The following KLHL18 variants were observed in gnomAD, a reference collection of about 807,000 sequenced individuals.
KLHL18 encodes kelch-like protein 18.
Under a neutral mutation model 58.5 loss-of-function variants are expected in KLHL18, and 38 were observed. That is an observed-to-expected ratio of 0.65 (90% CI 0.50 to 0.85). The LOEUF (loss-of-function observed/expected upper bound fraction) is 0.85. Among genes scored for constraint, KLHL18 ranks in the 40% least tolerant of loss-of-function variants. KLHL18 has a pLI of 0.00. For missense variants in KLHL18, 624 were observed against 778.4 expected, an observed-to-expected ratio of 0.80 and a Z score of 2.36; for synonymous variants, 303 against 301.9, an observed-to-expected ratio of 1.00 and a Z score of -0.04.
At chr3:47,318,038 A>G (rs1703496178) in intron 1 of KLHL18, among the ~76,000 whole-genome samples, 1 of 151,996 alleles carries the variant, frequency 6.6e-6, no homozygotes, top group African/African-American at 2.4e-5. Context: ...TTTTGTATTT[A>G]TTGTAGAGAC....
chr3:47,297,697 A>G lies in KLHL18; in HGVS notation c.129+14603A>G, dbSNP rs1293537360. On this transcript the variant is annotated intron_variant, in intron 1 of 9. Coordinates refer to ENST00000232766, the MANE Select transcript of KLHL18 (RefSeq NM_025010.5). ...GGTAAAATTCATCAGAAATTTTGTTACTTGTTTGTATCTCAGATGAAGCCT... is the reference window on the plus strand; with the variant it reads ...GGTAAAATTCATCAGAAATTTTGTTGCTTGTTTGTATCTCAGATGAAGCCT... 6.7e-6 allele frequency: 3 copies of G among 449,738 alleles called. No individual in the cohort carries two copies. The East Asian group carries it at 2.1e-4, about 31-fold the overall frequency. 27.9% of individuals were successfully genotyped at this position (449,738 alleles called of 1,614,324 possible).
In KLHL18 at chr3:47,345,322, C is replaced by A. The variant is rs1389814426; in HGVS notation, c.*1381C>A. ...CGCCAATCCCAAGAGTCTGGCCTCC[C>A]TCCAGCCCTGGGCAGACTGACCAGC... is the stretch of plus-strand genomic sequence containing the variant. On this transcript the variant is annotated 3_prime_UTR_variant, in exon 10 of 10. Transcript: ENST00000232766. 6.5e-6 allele frequency: 1 copy of A among 152,820 alleles called. No individual in the cohort carries two copies. Among genetic ancestry groups the A allele is most frequent in the African/African-American group, 2.4e-5 (1 of 41,452 alleles). 9.5% of individuals were successfully genotyped at this position (152,820 alleles called of 1,614,324 possible).
At chr3:47,318,768 T>C (rs138333364) in intron 1 of KLHL18, among the ~76,000 whole-genome samples, 1 of 152,326 alleles carries the variant, frequency 6.6e-6, no homozygotes, top group East Asian at 1.9e-4. Flanking sequence ...AGAACAACTC[T>C]AAGAAATTTG....
At chr3:47,290,267 A>C (rs1355639170) in intron 1 of KLHL18, among the ~76,000 whole-genome samples, 4 of 152,224 alleles carry the variant, frequency 2.6e-5, no homozygotes, top group Non-Finnish European at 5.9e-5. Context: ...CAGATGCCAC[A>C]CCAACATTTT....
At chr3:47,316,520 CATATATAT>C (rs1559495509) in intron 1 of KLHL18, among the ~76,000 whole-genome samples, 1,747 of 6,756 alleles carry the variant, frequency 0.26, 109 homozygotes, top group South Asian at 0.57. Flanking sequence ...TACATATATA[CATATATAT>C]GTATATATAT....
At position 47,340,648 on chromosome 3, in the gene KLHL18, G is replaced by T. The variant is rs191251598; in HGVS notation, c.1198G>T (p.Val400Leu). Residue 400 changes from valine to leucine, a missense_variant, in exon 8 of 10, where the codon GTG (valine) becomes TTG (leucine). Transcript: ENST00000232766. ...GYDGNSSLSS[V>L]ETYSPETDKW... ...CGATGGCAACTCTTCCCTCAGCTCC[G>T]TGGAGACCTACTCACCTGAGACGGA... 5 of 1,613,942 alleles carry T rather than the reference G, an allele frequency of 3.1e-6. No homozygotes were observed. The highest frequency in any genetic ancestry group is 4.2e-6 in the Non-Finnish European group (5 of 1,179,946).
At chr3:47,298,381 A>T (rs1447751875) in intron 1 of KLHL18, among the ~76,000 whole-genome samples, 4 of 151,904 alleles carry the variant, frequency 2.6e-5, no homozygotes, top group African/African-American at 9.7e-5. Context: ...AAGAGAAAAA[A>T]ACCTGTTTAG....
rs188960663 is a variant in KLHL18, at chr3:47,342,319, T to G, written c.1227-400T>G. Among the ~76,000 whole-genome samples the G allele has an allele frequency of 2.6e-4, 39 of 152,108 alleles. 1 individual carries two copies. The highest frequency in any genetic ancestry group is 1.6e-3 in the Admixed American group (25 of 15,282). The stretch of plus-strand genomic sequence containing the variant: ...AGTGGGGATGGGAGCAAGCACTGAC[T>G]AGGAAGCAAACCAGCCAGGACTTGG... On this transcript the variant is annotated intron_variant, in intron 8 of 9. Transcript: ENST00000232766.
intron 1 of KLHL18, among the ~76,000 whole-genome samples, chr3:47,302,190 G>GT (rs1163982508): frequency 6.6e-6 from 1 of 152,174 alleles, no homozygotes; most frequent in Non-Finnish European, 1.5e-5. Flanking sequence ...ATAAAATGTT[G>GT]TTTAAAAACT....
At chr3:47,316,206 A>G (rs979489434) in intron 1 of KLHL18, among the ~76,000 whole-genome samples, 1 of 152,126 alleles carries the variant, frequency 6.6e-6, no homozygotes, top group Non-Finnish European at 1.5e-5. Context: ...AAGAAAACCA[A>G]TACCAAGATA....
intron 1 of KLHL18, 37 bp from the exon 2 acceptor site, chr3:47,319,616 C>A: frequency 6.2e-7 from 1 of 1,600,654 alleles, no homozygotes. Context: ...GTTTTGCATT[C>A]CTCAATATCT....
intron 6 of KLHL18, among the ~76,000 whole-genome samples, chr3:47,336,283 G>A (rs1386785008): frequency 6.6e-6 from 1 of 152,156 alleles, no homozygotes; most frequent in East Asian, 1.9e-4. Context: ...TAAGCAGGTG[G>A]AGTACCTGAT....
chr3:47,287,244 G>C (rs543753807), intron 1 of KLHL18: 2 of 152,112 alleles, frequency 1.3e-5, no homozygotes, highest in Non-Finnish European at 2.9e-5. Flanking sequence ...TTGATCATCA[G>C]TCCGAAAGGC....
At chr3:47,339,391 C>G (rs57137370) in intron 7 of KLHL18, among the ~76,000 whole-genome samples, 2 of 151,272 alleles carry the variant, frequency 1.3e-5, no homozygotes, top group East Asian at 2.0e-4. Context: ...ACTGGGGAGT[C>G]TGAGGTGGGA....
intron 3 of KLHL18, among the ~76,000 whole-genome samples, chr3:47,328,782 C>A (rs1703784214): frequency 6.6e-6 from 1 of 152,086 alleles, no homozygotes; most frequent in African/African-American, 2.4e-5. Flanking sequence ...ACACTTGACT[C>A]ACTGATGGTA....
intron 7 of KLHL18, among the ~76,000 whole-genome samples, chr3:47,339,946 G>A (rs1412483773): frequency 2.0e-5 from 3 of 152,160 alleles, no homozygotes; most frequent in African/African-American, 7.2e-5. Flanking sequence ...TACTTGGGAG[G>A]CTGAAGTGCA....
chr3:47,330,554 A>C (rs909235294), intron 4 of KLHL18, among the ~76,000 whole-genome samples: 16 of 152,078 alleles, frequency 1.1e-4, no homozygotes, highest in Admixed American at 6.6e-4. Context: ...AGCCTCCCAA[A>C]GTGCTGGGAT....
chr3:47,289,789 G>T (rs1364608407), intron 1 of KLHL18, among the ~76,000 whole-genome samples: 2 of 151,904 alleles, frequency 1.3e-5, no homozygotes, highest in African/African-American at 4.8e-5. Flanking sequence ...CTCAAAAAAA[G>T]AAAAAAGAGA....
rs563243042 is a variant in KLHL18, at chr3:47,286,369, A to G, written c.129+3275A>G. ...CCACCAGAGCTGTCCTGGGAAATCT[A>G]TTTTGTCTCTCTTTCTTGTCAAAGT... is the stretch of plus-strand genomic sequence containing the variant. On this transcript the variant is annotated intron_variant, in intron 1 of 9. Transcript: ENST00000232766. Among the ~76,000 whole-genome samples the G allele has an allele frequency of 1.8e-4, 28 of 152,228 alleles. 1 individual carries two copies. The highest frequency in any genetic ancestry group is 1.2e-3 in the South Asian group (6 of 4,816).
Sources: allele counts gnomAD v4.1 joint callset (sites outside exome capture counted in the v4.1 genomes callset), GRCh38; gene constraint gnomAD v4.1.1; transcripts MANE v1.5; gene names NCBI Gene and HGNC (gene_info 2026-07-23, HGNC 2026-07-21).